ROBO1: variants seen among roughly 807,000 people sequenced by gnomAD.
ROBO1 encodes the protein roundabout guidance receptor 1, also known as roundabout homolog 1.
In ROBO1, 149 loss-of-function variants were observed where a neutral mutation model predicts 195.9. The observed-to-expected ratio is 0.76, with a 90% confidence interval of 0.67 to 0.87. The LOEUF (loss-of-function observed/expected upper bound fraction) is 0.87. Ranked by LOEUF, ROBO1 falls within the 40% of genes least tolerant of loss-of-function variation. The pLI, the probability that ROBO1 is intolerant of heterozygous loss-of-function variation, is 0.00. For missense variants in ROBO1, 1,933 were observed against 2,068.3 expected (o/e 0.93, Z 1.27); for synonymous variants, 816 against 733.2 (o/e 1.11, Z -1.82).
In ROBO1 at chr3:79,466,290, T is replaced by C. The variant is rs185795999; in HGVS notation, c.88+123534A>G. 2.6e-5 allele frequency among the ~76,000 whole-genome samples: 4 copies of C among 152,304 alleles called. 1 individual carries two copies. The East Asian group carries it at 7.7e-4, about 29-fold the overall frequency. On this transcript the variant is annotated intron_variant, in intron 2 of 30. Transcript: ENST00000464233. ...TTCAATGATATTGTCTAAATGGCCATATGAATCTTAGTTGAAAAACTCATG... is the reference window on the plus strand; with the variant it reads ...TTCAATGATATTGTCTAAATGGCCACATGAATCTTAGTTGAAAAACTCATG...
chr3:79,749,584 G>A (rs1018012953), intron 1 of ROBO1, among the ~76,000 whole-genome samples: 23 of 152,284 alleles, frequency 1.5e-4, no homozygotes, highest in African/African-American at 5.3e-4. Flanking sequence ...CAGGTCTAGA[G>A]TCCCCCTACT....
chr3:79,167,537 C>T (rs1273764540), intron 2 of ROBO1, among the ~76,000 whole-genome samples: 2 of 152,152 alleles, frequency 1.3e-5, no homozygotes, highest in Admixed American at 6.5e-5. Context: ...TAAAACTATG[C>T]AATTGCCTTC....
intron 2 of ROBO1, among the ~76,000 whole-genome samples, chr3:79,350,901 T>C (rs909389389): frequency 2.0e-5 from 3 of 152,100 alleles, no homozygotes; most frequent in African/African-American, 7.2e-5. Context: ...ACCATCACAA[T>C]GTACTACAGC....
chr3:78,717,485 G>A (rs1277787932), intron 6 of ROBO1, 72 bp from the exon 7 acceptor site: 7 of 1,303,716 alleles, frequency 5.4e-6, no homozygotes, highest in Non-Finnish European at 7.7e-6. Context: ...TAGGAGTTCA[G>A]TAAGAGCATA....
chr3:79,019,019 T>C, intron 3 of ROBO1: 1 of 989,408 alleles, frequency 1.0e-6, no homozygotes. Flanking sequence ...GCCGGGAGTG[T>C]GACTGGGTGA....
chr3:79,323,085 C>G (rs1018972430), intron 2 of ROBO1, among the ~76,000 whole-genome samples: 1 of 142,286 alleles, frequency 7.0e-6, no homozygotes, highest in African/African-American at 2.6e-5. Context: ...TTCTTTCTTT[C>G]TTTTTTTTTT....
In ROBO1 at chr3:79,608,779, C is replaced by T. The variant is rs113591476; in HGVS notation, c.-50-18818G>A. ...CTGTGTTTAAAGTGTTTGACTTCTT[C>T]CCTAATGATCACTCTTGCCTTGTGA... On this transcript the variant is annotated intron_variant, in intron 1 of 30. Transcript: ENST00000464233. Among the ~76,000 whole-genome samples, 427 of 152,018 alleles carry T rather than the reference C, an allele frequency of 2.8e-3. 4 individuals carry two copies. Among genetic ancestry groups the T allele is most frequent in the African/African-American group, 8.8e-3 (366 of 41,528 alleles).
chr3:78,789,860 T>G (rs2083963555), intron 4 of ROBO1, among the ~76,000 whole-genome samples: 1 of 152,224 alleles, frequency 6.6e-6, no homozygotes, highest in African/African-American at 2.4e-5. Flanking sequence ...TTCATCATTT[T>G]CAGCCACCAC....
chr3:78,854,242 T>C (rs2034259133), intron 4 of ROBO1, among the ~76,000 whole-genome samples: 1 of 148,534 alleles, frequency 6.7e-6, no homozygotes, highest in South Asian at 2.1e-4. Flanking sequence ...CCTGAATACA[T>C]ACATATATAT....
At chr3:79,338,722 G>A (rs987818617) in intron 2 of ROBO1, among the ~76,000 whole-genome samples, 4 of 151,756 alleles carry the variant, frequency 2.6e-5, no homozygotes, top group Non-Finnish European at 4.4e-5. Context: ...AAAAACCTTC[G>A]GATCTTTTTT....
rs577540311 is a variant in ROBO1 at position 78,616,438 on chromosome 3, A to G, written c.4282+1197T>C. On this transcript the variant is annotated intron_variant, in intron 27 of 30. Transcript: ENST00000464233. Reference sequence around the variant, plus strand: ...TGGCCAAAATAAATATATATTCTACAATAATAAGTTGAGAGATATTAGAAA... The same window carrying G: ...TGGCCAAAATAAATATATATTCTACGATAATAAGTTGAGAGATATTAGAAA... 1.6e-4 allele frequency among the ~76,000 whole-genome samples: 25 copies of G among 152,310 alleles called. No individual in the cohort carries two copies. In the East Asian group the frequency reaches 4.8e-3, roughly 29 times the overall value.
At chr3:78,681,056 C>A (rs1283407399) in intron 10 of ROBO1, among the ~76,000 whole-genome samples, 3 of 151,948 alleles carry the variant, frequency 2.0e-5, no homozygotes, top group Admixed American at 2.0e-4. Context: ...AATTGGAAAT[C>A]ATCATTCTCA....
chr3:79,642,262 G>T (rs1945688212), intron 1 of ROBO1, among the ~76,000 whole-genome samples: 1 of 152,042 alleles, frequency 6.6e-6, no homozygotes, highest in Non-Finnish European at 1.5e-5. Flanking sequence ...AACAAAGATT[G>T]CCCAGAAGAT....
chr3:78,688,367 A>G (rs1289875263), intron 9 of ROBO1, among the ~76,000 whole-genome samples: 1 of 152,200 alleles, frequency 6.6e-6, no homozygotes, highest in Non-Finnish European at 1.5e-5. Flanking sequence ...TGTTGAGAAA[A>G]TAGTGTTTTT....
chr3:78,711,095 A>G (rs2081675791), intron 8 of ROBO1, among the ~76,000 whole-genome samples: 1 of 152,204 alleles, frequency 6.6e-6, no homozygotes, highest in Admixed American at 6.5e-5. Flanking sequence ...TATGAGATAC[A>G]GACAGTAAAA....
intron 2 of ROBO1, among the ~76,000 whole-genome samples, chr3:79,455,104 T>C (rs938382179): frequency 6.6e-6 from 1 of 151,826 alleles, no homozygotes; most frequent in African/African-American, 2.4e-5. Flanking sequence ...ACTCAGCGAG[T>C]TTAGTTTCAA....
intron 3 of ROBO1, among the ~76,000 whole-genome samples, chr3:78,965,230 A>C (rs1467716721): frequency 6.6e-6 from 1 of 152,148 alleles, no homozygotes; most frequent in Non-Finnish European, 1.5e-5. Context: ...GATAATTTAT[A>C]AATTACATTC....
chr3:78,811,692 G>A (rs2084746001), intron 4 of ROBO1, among the ~76,000 whole-genome samples: 1 of 152,056 alleles, frequency 6.6e-6, no homozygotes, highest in South Asian at 2.1e-4. Context: ...CCCTAAACTA[G>A]TCGCTATTCC....
At chr3:78,646,749 G>A (rs941226675) in intron 20 of ROBO1, among the ~76,000 whole-genome samples, 20 of 151,750 alleles carry the variant, frequency 1.3e-4, no homozygotes, top group African/African-American at 4.8e-4. Context: ...TTTTATTGTG[G>A]CTTCTGCAAA....
Sources: allele counts gnomAD v4.1 joint callset (sites outside exome capture counted in the v4.1 genomes callset), GRCh38; gene constraint gnomAD v4.1.1; transcripts MANE v1.5; gene names NCBI Gene and HGNC (gene_info 2026-07-23, HGNC 2026-07-21).